Variants in ERC2 observed in about 807,000 individuals in gnomAD.
The protein encoded by ERC2 is ELKS/RAB6-interacting/CAST family member 2.
A neutral mutation model predicts 114.8 loss-of-function variants in ERC2; 42 were observed. That is an observed-to-expected ratio of 0.37 (90% CI 0.29 to 0.47). ERC2 has a LOEUF of 0.47. ERC2 is among the 20% of genes least tolerant of loss of function. The pLI is 0.99. For missense variants in ERC2, 939 were observed against 1,150.7 expected (o/e 0.82, Z 2.66); for synonymous variants, 454 against 425.5 (o/e 1.07, Z -0.82).
At chr3:56,169,980 T>C (rs1197217644) in intron 4 of ERC2, among the ~76,000 whole-genome samples, 3 of 152,214 alleles carry the variant, frequency 2.0e-5, no homozygotes, top group Non-Finnish European at 2.9e-5. Flanking sequence ...GTCATTCTTA[T>C]TGACAGTTAT....
intron 17 of ERC2, among the ~76,000 whole-genome samples, chr3:55,651,966 A>G (rs949101656): frequency 2.5e-4 from 38 of 152,334 alleles, no homozygotes; most frequent in African/African-American, 9.1e-4. Flanking sequence ...CTGCTTGGTC[A>G]GCAAACATTT....
At chr3:55,677,759 A>T (rs2061880760) in intron 17 of ERC2, among the ~76,000 whole-genome samples, 1 of 152,178 alleles carries the variant, frequency 6.6e-6, no homozygotes, top group South Asian at 2.1e-4. Context: ...GCTGAGGAAC[A>T]TAAATAAATA....
chr3:55,767,806 C>A (rs1027190731), intron 14 of ERC2, among the ~76,000 whole-genome samples: 1 of 152,142 alleles, frequency 6.6e-6, no homozygotes, highest in African/African-American at 2.4e-5. Flanking sequence ...AAGCTATGAA[C>A]GTTCTCGTTA....
At chr3:56,454,730 A>T (rs374997550) in intron 1 of ERC2, among the ~76,000 whole-genome samples, 15 of 152,196 alleles carry the variant, frequency 9.9e-5, no homozygotes, top group African/African-American at 3.1e-4. Context: ...ATGCACCTGT[A>T]GTCCTAGCTA....
At chr3:55,790,019 C>A (rs947513153) in intron 14 of ERC2, among the ~76,000 whole-genome samples, 11 of 152,174 alleles carry the variant, frequency 7.2e-5, no homozygotes, top group Non-Finnish European at 1.6e-4. Context: ...AACTGTCAGT[C>A]CTTCCCTCCA....
chr3:56,045,553 C>A (rs2075412064), intron 7 of ERC2, among the ~76,000 whole-genome samples: 1 of 152,118 alleles, frequency 6.6e-6, no homozygotes, highest in Non-Finnish European at 1.5e-5. Context: ...ATAATCTTAC[C>A]TAGCATTCTG....
chr3:55,540,910 A>C (rs1167241), intron 17 of ERC2, among the ~76,000 whole-genome samples: 52,751 of 152,102 alleles, frequency 0.35, 11,206 homozygotes, highest in East Asian at 0.71. Context: ...CAGTCACTGC[A>C]AGACCCTCAG....
intron 14 of ERC2, among the ~76,000 whole-genome samples, chr3:55,753,236 C>T (rs2066831053): frequency 6.6e-6 from 1 of 152,056 alleles, no homozygotes; most frequent in East Asian, 1.9e-4. Flanking sequence ...CCCCCCAATC[C>T]CACTGCCAAT....
At chr3:56,136,673 G>T (rs2080526860) in intron 6 of ERC2, among the ~76,000 whole-genome samples, 1 of 152,048 alleles carries the variant, frequency 6.6e-6, no homozygotes, top group South Asian at 2.1e-4. Context: ...TCACTTTAAA[G>T]TATTCTACAC....
At chr3:56,312,022 G>T (rs73088522) in intron 2 of ERC2, among the ~76,000 whole-genome samples, 1 of 152,082 alleles carries the variant, frequency 6.6e-6, no homozygotes, top group African/African-American at 2.4e-5. Context: ...CACTGTGTTA[G>T]GTAGTATAAG....
intron 4 of ERC2, among the ~76,000 whole-genome samples, chr3:56,167,819 G>A (rs535084062): frequency 6.6e-6 from 1 of 152,226 alleles, no homozygotes; most frequent in South Asian, 2.1e-4. Flanking sequence ...GAGAAACAGG[G>A]CATATGTTGG....
chr3:56,321,515 G>A (rs73088532), intron 2 of ERC2, among the ~76,000 whole-genome samples: 2 of 152,164 alleles, frequency 1.3e-5, no homozygotes, highest in Admixed American at 1.3e-4. Flanking sequence ...TAGTTCAGGA[G>A]CTCCTCCAAG....
At chr3:55,805,726 G>C (rs185999659) in intron 14 of ERC2, among the ~76,000 whole-genome samples, 1 of 152,136 alleles carries the variant, frequency 6.6e-6, no homozygotes, top group East Asian at 1.9e-4. Flanking sequence ...TCTAGATTTG[G>C]AAAACCCTAA....
intron 10 of ERC2, among the ~76,000 whole-genome samples, chr3:56,002,448 A>G (rs1291740862): frequency 1.3e-5 from 2 of 152,178 alleles, no homozygotes; most frequent in African/African-American, 4.8e-5. Flanking sequence ...ATATATTAAT[A>G]AATGCACACA....
chr3:56,448,150 G>A (rs898871255), intron 1 of ERC2, among the ~76,000 whole-genome samples: 13 of 152,222 alleles, frequency 8.5e-5, no homozygotes, highest in African/African-American at 2.9e-4. Flanking sequence ...CCAGTAATCC[G>A]TATATGACCC....
chr3:55,850,701 C>A (rs1020749349), intron 14 of ERC2, among the ~76,000 whole-genome samples: 1 of 152,094 alleles, frequency 6.6e-6, no homozygotes, highest in African/African-American at 2.4e-5. Context: ...GCAGCTTCTA[C>A]CCAATGATGT....
intron 4 of ERC2, among the ~76,000 whole-genome samples, chr3:56,159,090 C>A (rs1006672917): frequency 6.6e-6 from 1 of 151,998 alleles, no homozygotes; most frequent in Non-Finnish European, 1.5e-5. Flanking sequence ...TGTGGCACCC[C>A]CCCACCCCAC....
At chr3:55,722,421 C>G (rs1202707298) in intron 15 of ERC2, among the ~76,000 whole-genome samples, 2 of 152,106 alleles carry the variant, frequency 1.3e-5, no homozygotes, top group Non-Finnish European at 2.9e-5. Context: ...TCACCCCCCA[C>G]TTGGCTGGAA....
At chr3:55,586,832 C>T (rs1245185139) in intron 17 of ERC2, among the ~76,000 whole-genome samples, 2 of 152,074 alleles carry the variant, frequency 1.3e-5, no homozygotes, top group Non-Finnish European at 2.9e-5. Context: ...AAATTTAAAA[C>T]ACTTATGTAG....
Sources: allele counts gnomAD v4.1 joint callset (sites outside exome capture counted in the v4.1 genomes callset), GRCh38; gene constraint gnomAD v4.1.1; transcripts MANE v1.5; gene names NCBI Gene and HGNC (gene_info 2026-07-23, HGNC 2026-07-21).